The following GGT7 variants were observed in gnomAD, a reference collection of about 807,000 sequenced individuals.
GGT7 encodes glutathione hydrolase 7.
Under a neutral mutation model 69.2 loss-of-function variants are expected in GGT7, and 30 were observed. The ratio of observed to expected loss-of-function variants is 0.43; its 90% CI spans 0.32 to 0.59. The LOEUF (loss-of-function observed/expected upper bound fraction) is 0.59. Among genes scored for constraint, GGT7 ranks in the 20% least tolerant of loss-of-function variants. The pLI is 0.05. For synonymous variants in GGT7, 388 were observed against 391.8 expected (o/e 0.99, Z 0.12); for missense variants, 733 against 901.1 (o/e 0.81, Z 2.39).
chr20:34,857,818 T>A (rs1214721374), intron 7 of GGT7, among the ~76,000 whole-genome samples: 1 of 152,062 alleles, frequency 6.6e-6, no homozygotes, highest in Non-Finnish European at 1.5e-5. Context: ...GGGGTCTCAC[T>A]ATGTTGCCCA....
intron 3 of GGT7, among the ~76,000 whole-genome samples, chr20:34,862,544 T>C (rs187901045): frequency 6.6e-6 from 1 of 150,782 alleles, no homozygotes; most frequent in Admixed American, 6.6e-5. Context: ...CCTCCACCTG[T>C]GCATCTTAAT....
Position 34,863,483 on chromosome 20 carries a change from T to C in GGT7, c.235A>G (p.Ser79Gly), listed in dbSNP as rs1438086162. 1.9e-6 allele frequency: 3 copies of C among 1,608,106 alleles called. No homozygotes were observed. Among genetic ancestry groups the C allele is most frequent in the Non-Finnish European group, 2.5e-6 (3 of 1,177,694 alleles). ...TCGCGTAGCGGCGACCCGTCTTGGC[T>C]GCCCATCTCCGACGACGACGATGGC... ...RLPSSSSEMG[S>G]QDGSPLRETR... The change falls in exon 2 of 15, where the codon AGC becomes GGC. Residue 79 changes from serine (S) to glycine (G), a missense_variant. Coordinates refer to ENST00000336431, the MANE Select transcript of GGT7 (RefSeq NM_178026.3). This position sits in a 1 kb window ranked among gnomAD's most constrained non-coding sequence, Gnocchi z 4.4.
intron 14 of GGT7, 64 bp from the exon 15 acceptor site, chr20:34,845,555 A>G: frequency 7.0e-7 from 1 of 1,419,734 alleles, no homozygotes; most frequent in Non-Finnish European, 9.8e-7. Context: ...AGAGTCCTAC[A>G]GTCAGACCTG....
chr20:34,845,623 C>T (rs1023705654), intron 14 of GGT7, 132 bp from the exon 15 acceptor site: 14 of 724,348 alleles, frequency 1.9e-5, no homozygotes, highest in Non-Finnish European at 3.1e-5. Context: ...AATCACTTTA[C>T]CTTGCTGAGC....
intron 1 of GGT7, among the ~76,000 whole-genome samples, chr20:34,864,486 CGA>C (rs2079656565): frequency 6.6e-6 from 1 of 151,954 alleles, no homozygotes. Context: ...TCTGGGGGGC[CGA>C]GGCGGGTGGA....
At position 34,863,389 on chromosome 20, in the gene GGT7, A is replaced by G; in HGVS notation, c.329T>C (p.Ile110Thr). 2 of 1,614,016 alleles carry G rather than the reference A, an allele frequency of 1.2e-6. No individual in the cohort carries two copies. The highest frequency in any genetic ancestry group is 1.7e-6 in the Non-Finnish European group (2 of 1,180,026). The change falls in exon 2 of 15, where the codon ATC (isoleucine) becomes ACC (threonine). Residue 110 changes from isoleucine (I) to threonine (T), a missense_variant. By Grantham distance (89) the Ile-to-Thr change is moderately conservative (BLOSUM62 -1). Coordinates refer to ENST00000336431, the MANE Select transcript of GGT7 (RefSeq NM_178026.3). This position sits in a 1 kb window ranked among gnomAD's most constrained non-coding sequence, Gnocchi z 4.4. The part of the protein sequence containing the change: ...CSCRQDGLTV[I>T]VTACLTFATG... ...AGCGAAGGTGAGACAGGCCGTGACG[A>G]TGACCGTGAGCCCATCCTGGCGGCA...
chr20:34,854,575 G>T lies in GGT7; in HGVS notation c.1275C>A (p.Pro425=). 6.2e-7 allele frequency: 1 copy of T among 1,612,844 alleles called. No homozygotes were observed. Among genetic ancestry groups the T allele is most frequent in the East Asian group, 2.2e-5 (1 of 44,862 alleles). ...ALALASRLGD[P]VYDSTITESM... ...TCTCAGTGATGGTAGAATCATAGAC[G>T]GGATCTCCCAGTCTGCTGGCCAGGG... Residue 425 remains proline (P), a synonymous_variant, in exon 10 of 15, where the codon CCC becomes CCA. Transcript: ENST00000336431.
intron 1 of GGT7, among the ~76,000 whole-genome samples, chr20:34,865,885 C>T (rs1473198359): frequency 3.3e-5 from 5 of 152,218 alleles, no homozygotes; most frequent in Non-Finnish European, 5.9e-5. Context: ...CTTTACTTTA[C>T]CTTGACCTCA....
intron 4 of GGT7, among the ~76,000 whole-genome samples, chr20:34,860,992 G>A (rs2146916331): frequency 6.6e-6 from 1 of 152,302 alleles, no homozygotes; most frequent in East Asian, 1.9e-4. Flanking sequence ...TGAAGACTCA[G>A]GGGTGTGTTT....
chr20:34,859,851 A>AG, intron 6 of GGT7, 118 bp downstream of exon 6: 1 of 820,342 alleles, frequency 1.2e-6, no homozygotes, highest in Non-Finnish European at 2.0e-6. Flanking sequence ...TAAGGTGGGG[A>AG]GGGGGTCTGA....
At position 34,851,278 on chromosome 20, in the gene GGT7, C is replaced by T. The variant is rs761161712; in HGVS notation, c.1678G>A (p.Ala560Thr). The T allele has an allele frequency of 5.6e-6, 9 of 1,613,928 alleles. No homozygotes were observed. In the East Asian group the frequency reaches 1.1e-4, roughly 20 times the overall value. ...CGCGCAGCTCCATTGGCCCCCAGAG[C>T]GAGGTAGGTTCCACAGAGCCCCTCC... Reference protein sequence around the residue: ...PAEGLCGTYLALGANGAARGL... With the variant: ...PAEGLCGTYLTLGANGAARGL... The change falls in exon 13 of 15, where the codon GCT becomes ACT. Residue 560 changes from alanine (A) to threonine (T), a missense_variant. By Grantham distance (58) the Ala-to-Thr change is moderately conservative (BLOSUM62 0). Transcript: ENST00000336431.
intron 14 of GGT7, among the ~76,000 whole-genome samples, chr20:34,849,279 C>G (rs2079350097): frequency 6.6e-6 from 1 of 151,228 alleles, no homozygotes. Context: ...TCTCCTGCCT[C>G]AGCCTCCCGA....
intron 14 of GGT7, among the ~76,000 whole-genome samples, chr20:34,848,261 T>C (rs866975818): frequency 6.6e-6 from 1 of 152,210 alleles, no homozygotes; most frequent in Non-Finnish European, 1.5e-5. Flanking sequence ...CTCTGAGCCA[T>C]TCATTCTGGT....
chr20:34,848,111 A>C (rs907525433), intron 14 of GGT7, among the ~76,000 whole-genome samples: 4 of 152,168 alleles, frequency 2.6e-5, no homozygotes, highest in African/African-American at 9.7e-5. Context: ...AATAAAATAC[A>C]TTTAGGCTAA....
chr20:34,845,431 A>G lies in GGT7; in HGVS notation c.1886T>C (p.Val629Ala), dbSNP rs758892779. ...LEARGHHVEK[V>A]DVLSWVHGSR... Reference sequence around the variant, plus strand: ...GCCATGGACCCAGGATAAGACATCTACTTTCTCCACGTGGTGACCCCTGGC... The same window carrying G: ...GCCATGGACCCAGGATAAGACATCTGCTTTCTCCACGTGGTGACCCCTGGC... The change falls in exon 15 of 15, where the codon GTA becomes GCA. Residue 629 changes from valine to alanine, a missense_variant. Transcript: ENST00000336431. The G allele has an allele frequency of 6.8e-5, 109 of 1,613,940 alleles. No homozygotes were observed. The highest frequency in any genetic ancestry group is 8.9e-5 in the Non-Finnish European group (105 of 1,179,956).
Position 34,863,161 on chromosome 20 carries a change from C to G in GGT7, c.405+152G>C. 1 of 768,134 alleles carries G rather than the reference C, an allele frequency of 1.3e-6. No individual in the cohort carries two copies. Among genetic ancestry groups the G allele is most frequent in the South Asian group, 1.8e-5 (1 of 55,612 alleles). 47.6% of individuals were successfully genotyped at this position (768,134 alleles called of 1,614,324 possible). ...TTCCTTGTTCTGTCTCCCTCATGCC[C>G]TGGAGCTCCTCTCTTTGGGACCTTC... On this transcript the variant is annotated intron_variant, in intron 2 of 14. Transcript: ENST00000336431. The surrounding 1 kb of genome is among the most constrained non-coding windows in gnomAD (Gnocchi z 4.4).
In GGT7 at chr20:34,863,235, CCA is replaced by C. The variant is rs899698263; in HGVS notation, c.405+76_405+77del. The stretch of plus-strand genomic sequence containing the variant: ...TCCCCTTCTACCACTCAGCCATTCC[CCA>C]GTTTCCACAGTTCCTCAAACATTAC... On this transcript the variant is annotated intron_variant, in intron 2 of 14. Coordinates refer to ENST00000336431, the MANE Select transcript of GGT7 (RefSeq NM_178026.3). This position sits in a 1 kb window ranked among gnomAD's most constrained non-coding sequence, Gnocchi z 4.4. 6.3e-6 allele frequency: 7 copies of C among 1,119,180 alleles called. No homozygotes were observed. The African/African-American group carries it at 9.2e-5, about 15-fold the overall frequency. The allele number at this position is 1,119,180 out of a possible 1,614,324, so 69.3% of individuals were successfully genotyped here.
intron 14 of GGT7, 113 bp from the exon 15 acceptor site, chr20:34,845,604 C>T: frequency 1.2e-6 from 1 of 857,872 alleles, no homozygotes. Flanking sequence ...AGCTGTATGA[C>T]CTTGGACAAA....
At chr20:34,867,207 G>A (rs888983434) in intron 1 of GGT7, among the ~76,000 whole-genome samples, 3 of 152,168 alleles carry the variant, frequency 2.0e-5, no homozygotes, top group Non-Finnish European at 2.9e-5. Flanking sequence ...TTACAGGCGT[G>A]AGCCACAGCA....
Sources: allele counts gnomAD v4.1 joint callset (sites outside exome capture counted in the v4.1 genomes callset), GRCh38; gene constraint gnomAD v4.1.1; non-coding constraint Gnocchi (gnomAD v3.1); transcripts MANE v1.5; gene names NCBI Gene and HGNC (gene_info 2026-07-23, HGNC 2026-07-21).